Variants in GPM6A observed in about 807,000 individuals in gnomAD.
The protein encoded by GPM6A is neuronal membrane glycoprotein M6-a.
A neutral mutation model predicts 32.1 loss-of-function variants in GPM6A; 7 were observed. That is an observed-to-expected ratio of 0.22 (90% confidence interval 0.12 to 0.41). The LOEUF is 0.41. GPM6A is among the 10% of genes least tolerant of loss of function. The pLI is 1.00. For synonymous variants in GPM6A, 130 were observed against 123.4 expected (o/e 1.05, Z -0.35); for missense variants, 235 against 347.2 (o/e 0.68, Z 2.57).
chr4:175,860,397 A>G (rs1194775415), intron 1 of GPM6A, among the ~76,000 whole-genome samples: 1 of 152,188 alleles, frequency 6.6e-6, no homozygotes, highest in Non-Finnish European at 1.5e-5. Flanking sequence ...CATTAAAAGA[A>G]TATACTAGAT....
intron 1 of GPM6A, among the ~76,000 whole-genome samples, chr4:175,709,985 T>C (rs1415916064): frequency 6.6e-6 from 1 of 152,078 alleles, no homozygotes; most frequent in Non-Finnish European, 1.5e-5. Flanking sequence ...ACCAGCCTAA[T>C]GGGTAGAAAG....
At chr4:175,650,776 C>A (rs1741758703) in intron 4 of GPM6A, among the ~76,000 whole-genome samples, 1 of 152,116 alleles carries the variant, frequency 6.6e-6, no homozygotes, top group Non-Finnish European at 1.5e-5. Flanking sequence ...GCCCTTCATA[C>A]CCCATCTAAG....
intron 2 of GPM6A, among the ~76,000 whole-genome samples, chr4:175,690,687 C>T (rs1744247401): frequency 6.6e-6 from 1 of 152,178 alleles, no homozygotes. Flanking sequence ...CTCTCTGTTC[C>T]CCTCTCATAA....
chr4:175,755,221 T>C (rs2095363222), intron 1 of GPM6A, among the ~76,000 whole-genome samples: 1 of 152,034 alleles, frequency 6.6e-6, no homozygotes, highest in Admixed American at 6.6e-5. Flanking sequence ...GTAGAAACAA[T>C]GTGGCATTTC....
At chr4:175,862,820 CA>C (rs1408615541) in intron 1 of GPM6A, among the ~76,000 whole-genome samples, 1 of 151,796 alleles carries the variant, frequency 6.6e-6, no homozygotes. Flanking sequence ...GCAAATTTTG[CA>C]TTTAAAAAAT....
At chr4:175,822,981 TA>T (rs1171015856) in intron 1 of GPM6A, among the ~76,000 whole-genome samples, 1 of 152,216 alleles carries the variant, frequency 6.6e-6, no homozygotes, top group Non-Finnish European at 1.5e-5. Flanking sequence ...CTGACAATAA[TA>T]AGTTGGTTAC....
intron 1 of GPM6A, among the ~76,000 whole-genome samples, chr4:175,721,302 C>T (rs992594930): frequency 6.6e-5 from 10 of 151,164 alleles, no homozygotes; most frequent in African/African-American, 2.2e-4. Flanking sequence ...ATAGTGAAAC[C>T]CCGTCTTTAC....
chr4:175,653,001 T>C (rs17061759), intron 3 of GPM6A, among the ~76,000 whole-genome samples: 7,558 of 152,186 alleles, frequency 0.05, 216 homozygotes, highest in Non-Finnish European at 0.061. Context: ...ATAATAAATA[T>C]ACTGAATGAA....
Position 175,891,176 on chromosome 4 carries a change from A to C in GPM6A, c.-22-78927T>G, listed in dbSNP as rs147546171. Among the ~76,000 whole-genome samples, 551 of 152,328 alleles carry C rather than the reference A, an allele frequency of 3.6e-3. 3 individuals carry two copies. Among genetic ancestry groups the C allele is most frequent in the African/African-American group, 0.013 (529 of 41,586 alleles). Reference sequence around the variant, plus strand: ...ATCATTATAGGCCAAAATAAAAACAAGTCTGAATTCATATTAAACGAAGGC... The same window carrying C: ...ATCATTATAGGCCAAAATAAAAACACGTCTGAATTCATATTAAACGAAGGC... On this transcript the variant is annotated intron_variant, in intron 1 of 7. Coordinates refer to the GPM6A transcript ENST00000280187.
chr4:175,822,405 A>G (rs1219929251), intron 1 of GPM6A, among the ~76,000 whole-genome samples: 1 of 152,150 alleles, frequency 6.6e-6, no homozygotes, highest in Non-Finnish European at 1.5e-5. Context: ...AATTTTTGGT[A>G]TATCCAAAAA....
intron 1 of GPM6A, chr4:175,796,078 CTATT>C (rs1367215588): frequency 6.6e-6 from 1 of 152,174 alleles, no homozygotes; most frequent in Non-Finnish European, 1.5e-5. Context: ...TCTCAAATAT[CTATT>C]TATCTATGTT....
At chr4:175,733,034 A>G (rs1251485870) in intron 1 of GPM6A, among the ~76,000 whole-genome samples, 1 of 152,200 alleles carries the variant, frequency 6.6e-6, no homozygotes, top group Non-Finnish European at 1.5e-5. Context: ...GACAGACAAT[A>G]TAATAACGAG....
chr4:175,966,072 T>C (rs919822116), intron 1 of GPM6A, among the ~76,000 whole-genome samples: 5 of 152,170 alleles, frequency 3.3e-5, no homozygotes, highest in Non-Finnish European at 5.9e-5. Context: ...ATAGTCTAAG[T>C]AGACCTTTGC....
intron 1 of GPM6A, among the ~76,000 whole-genome samples, chr4:175,804,612 A>G (rs1455834534): frequency 1.3e-5 from 2 of 152,234 alleles, no homozygotes; most frequent in Non-Finnish European, 2.9e-5. Flanking sequence ...TGCTTAGAAC[A>G]GTGCCTGGAT....
intron 1 of GPM6A, chr4:175,872,610 A>T (rs766027152): frequency 6.6e-6 from 1 of 152,224 alleles, no homozygotes; most frequent in Non-Finnish European, 1.5e-5. Context: ...AGTGAATATA[A>T]TATTAATAAA....
At chr4:175,940,486 C>G (rs1739371431) in intron 1 of GPM6A, among the ~76,000 whole-genome samples, 1 of 152,074 alleles carries the variant, frequency 6.6e-6, no homozygotes, top group African/African-American at 2.4e-5. Context: ...TTCTAATACT[C>G]TAAAAGTTCT....
At chr4:175,958,173 G>A (rs1487880053) in intron 1 of GPM6A, among the ~76,000 whole-genome samples, 9 of 152,194 alleles carry the variant, frequency 5.9e-5, no homozygotes, top group Admixed American at 2.6e-4. Context: ...GATTACAGGC[G>A]TGAGCCACCA....
In GPM6A at chr4:175,772,408, G is replaced by C. The variant is rs1313303950; in HGVS notation, c.37+39783C>G. 3.3e-5 allele frequency among the ~76,000 whole-genome samples: 5 copies of C among 152,188 alleles called. No homozygotes were observed. In the East Asian group the frequency reaches 9.6e-4, roughly 29 times the overall value. ...TGTGAGAGAAGAATGTCGCATGCTTGCAAGAGTGTATCACTGACAAAGAGC... is the reference window on the plus strand; with the variant it reads ...TGTGAGAGAAGAATGTCGCATGCTTCCAAGAGTGTATCACTGACAAAGAGC... On this transcript the variant is annotated intron_variant, in intron 1 of 6. Coordinates refer to ENST00000393658, the MANE Select transcript of GPM6A (RefSeq NM_201591.3).
At chr4:175,648,239 C>T (rs999474576) in intron 4 of GPM6A, among the ~76,000 whole-genome samples, 7 of 152,008 alleles carry the variant, frequency 4.6e-5, no homozygotes, top group African/African-American at 1.5e-4. Context: ...ATGTATTTCA[C>T]ACAAAGAAAT....
Sources: gnomAD v4.1 joint callset for allele counts (sites outside exome capture counted in the v4.1 genomes callset) on GRCh38, gnomAD v4.1.1 for gene constraint, MANE v1.5 for transcripts, NCBI Gene and HGNC (gene_info 2026-07-23, HGNC 2026-07-21) for gene names.